RECQL5: variants seen among roughly 807,000 people sequenced by gnomAD.
RECQL5 encodes the protein ATP-dependent DNA helicase Q5.
Under a neutral mutation model 103.4 loss-of-function variants are expected in RECQL5, and 88 were observed. That is an observed-to-expected ratio of 0.85 (90% confidence interval 0.72 to 1.02). The LOEUF (loss-of-function observed/expected upper bound fraction) is 1.02, where lower values mean the gene tolerates loss of function less well. Among genes scored for constraint, RECQL5 ranks in the 50% least tolerant of loss-of-function variants. The probability of loss-of-function intolerance (pLI) is 0.00; values close to 1 mark genes in which losing one functional copy is unlikely to be tolerated. For synonymous variants in RECQL5, 552 were observed against 507.9 expected (o/e 1.09, Z -1.17); for missense variants, 1,232 against 1,284.3 (o/e 0.96, Z 0.62).
chr17:75,661,294 T>G (rs1157719657), intron 5 of RECQL5, among the ~76,000 whole-genome samples: 4 of 152,194 alleles, frequency 2.6e-5, no homozygotes, highest in African/African-American at 9.6e-5. Flanking sequence ...GTTAGGGCCA[T>G]GATTCAAGCC....
chr17:75,641,340 G>A (rs757048447), intron 8 of RECQL5: 9 of 165,194 alleles, frequency 5.4e-5, no homozygotes, highest in Non-Finnish European at 8.0e-5. Context: ...CCGCCAGAGC[G>A]TGAGCATGTC....
rs774167298 is a variant in RECQL5 at position 75,662,577 on chromosome 17, G to C, written c.673C>G (p.Leu225Val). 7 of 1,614,052 alleles carry C rather than the reference G, an allele frequency of 4.3e-6. No individual in the cohort carries two copies. In the African/African-American group the frequency reaches 9.3e-5, roughly 22 times the overall value. Residue 225 changes from leucine (L) to valine (V), a missense_variant, in exon 4 of 20, where the codon CTC becomes GTC. Transcript: ENST00000317905. ...TCCTTGAATTGCACATCATAGAAGA[G>C]GTTGGCCCGGAAGCAGGGAGTCTTG... ...IFKTPCFRAN[L>V]FYDVQFKELI... is the part of the protein sequence containing the mutation.
chr17:75,659,769 A>C (rs922967146), intron 6 of RECQL5, among the ~76,000 whole-genome samples: 3 of 152,222 alleles, frequency 2.0e-5, no homozygotes, highest in Non-Finnish European at 4.4e-5. Context: ...CCATGTATGC[A>C]AACATGCTCC....
chr17:75,647,511 T>G (rs1268361706), intron 8 of RECQL5: 1 of 1,550,412 alleles, frequency 6.4e-7, no homozygotes, highest in South Asian at 1.2e-5. Context: ...CCATCGTGTT[T>G]GGTTTACTCA....
chr17:75,629,392 C>T lies in RECQL5; in HGVS notation c.2031G>A (p.Arg677=), dbSNP rs1461401581. 6.6e-7 allele frequency: 1 copy of T among 1,510,580 alleles called. No homozygotes were observed. The highest frequency in any genetic ancestry group is 2.3e-5 in the East Asian group (1 of 43,750). The allele number at this position is 1,510,580 out of a possible 1,614,324, so 93.6% of individuals were successfully genotyped here. The change falls in exon 16 of 20, where the codon CGG becomes CGA. Residue 677 remains arginine (R), a synonymous_variant. Coordinates refer to ENST00000317905, the MANE Select transcript of RECQL5 (RefSeq NM_004259.7). ...QTATELMETT[R]IREQAPQPER... is the part of the protein sequence containing the mutation. The stretch of plus-strand genomic sequence containing the variant: ...CGGGCTGGGGGGCTTGCTCCCTGAT[C>T]CGAGTTGTCTCCATCAGTTCCGTGG...
At chr17:75,663,671 C>A (rs1393201896) in intron 3 of RECQL5, among the ~76,000 whole-genome samples, 1 of 152,134 alleles carries the variant, frequency 6.6e-6, no homozygotes, top group Non-Finnish European at 1.5e-5. Context: ...GCCACATGCT[C>A]GCTGGCTGTT....
rs1160197305 is a variant in RECQL5, at chr17:75,627,218, C to G, written c.*204G>C. The G allele has an allele frequency of 1.5e-6, 1 of 663,436 alleles. No individual in the cohort carries two copies. Among genetic ancestry groups the G allele is most frequent in the Admixed American group, 2.2e-5 (1 of 46,280 alleles). The allele number at this position is 663,436 out of a possible 1,614,324, so 41.1% of individuals were successfully genotyped here. A position where few individuals can be genotyped will look rare whatever the true frequency, so the allele number is the denominator to read the frequency against. On this transcript the variant is annotated 3_prime_UTR_variant, in exon 20 of 20. Coordinates refer to ENST00000317905, the MANE Select transcript of RECQL5 (RefSeq NM_004259.7). ...CCATGAGGACCGCTCTGAGAAGGGTCTATAGGCTTTGCAAGCAGAAAGAAA... is the reference window on the plus strand; with the variant it reads ...CCATGAGGACCGCTCTGAGAAGGGTGTATAGGCTTTGCAAGCAGAAAGAAA...
chr17:75,632,141 G>A (rs1471771164), intron 8 of RECQL5, among the ~76,000 whole-genome samples: 8 of 152,232 alleles, frequency 5.3e-5, no homozygotes, highest in Non-Finnish European at 8.8e-5. Context: ...GTACAGTCAT[G>A]CCCCATGGAA....
chr17:75,656,306 G>A (rs1045026317), intron 7 of RECQL5, among the ~76,000 whole-genome samples: 8 of 148,390 alleles, frequency 5.4e-5, no homozygotes, highest in Non-Finnish European at 1.0e-4. Flanking sequence ...TCAAACTCCC[G>A]ACCTCAGGTG....
At chr17:75,627,585 C>T (rs758145754) in intron 19 of RECQL5, 38 bp downstream of exon 19, 15 of 1,613,490 alleles carry the variant, frequency 9.3e-6, no homozygotes, top group Admixed American at 1.7e-5. Flanking sequence ...AGACCACCCT[C>T]CCAAGTGCCT....
At chr17:75,627,716 A>C (rs369996953) in intron 18 of RECQL5, 24 bp from the exon 19 acceptor site, 1 of 1,585,750 alleles carries the variant, frequency 6.3e-7, no homozygotes, top group Non-Finnish European at 8.6e-7. Flanking sequence ...GGAGAAGAGA[A>C]GCAGAGAGCA....
rs2059715891 is a variant in RECQL5, at chr17:75,662,714, A to G, written c.536T>C (p.Leu179Pro). Residue 179 changes from leucine to proline, a missense_variant, in exon 4 of 20, where the codon CTG becomes CCG. By Grantham distance (98) the Leu-to-Pro change is moderately conservative. Transcript: ENST00000317905. ...AGGGGCATGTCCCAGGCGGGAGCGC[A>G]GGGCACCCAGACGCAAGTAGTCAGG... ...FRPDYLRLGA[L>P]RSRLGHAPCV... 1 of 1,614,056 alleles carries G rather than the reference A, an allele frequency of 6.2e-7. No homozygotes were observed. Among genetic ancestry groups the G allele is most frequent in the Non-Finnish European group, 8.5e-7 (1 of 1,180,030 alleles).
At chr17:75,635,696 G>A in intron 8 of RECQL5, 5 of 694,850 alleles carry the variant, frequency 7.2e-6, no homozygotes, top group Non-Finnish European at 8.9e-6. Context: ...CTTCTAGGTG[G>A]ACCTCAAACG....
At chr17:75,658,551 C>T (rs911311236) in intron 6 of RECQL5, 91 bp from the exon 7 acceptor site, 2 of 1,229,178 alleles carry the variant, frequency 1.6e-6, no homozygotes, top group Non-Finnish European at 2.3e-6. Flanking sequence ...GCAGGGAGGC[C>T]AGCAGATAGG....
At chr17:75,649,134 T>C (rs757741206) in intron 8 of RECQL5, 3 of 152,154 alleles carry the variant, frequency 2.0e-5, no homozygotes, top group Non-Finnish European at 4.4e-5. Flanking sequence ...TGCCAGGCTG[T>C]TGGGCACCCC....
At chr17:75,656,740 T>C (rs1317550201) in intron 7 of RECQL5, among the ~76,000 whole-genome samples, 4 of 115,720 alleles carry the variant, frequency 3.5e-5, no homozygotes, top group Non-Finnish European at 6.6e-5. Context: ...TATCCTTCTA[T>C]TGTCTTTTTT....
intron 8 of RECQL5, among the ~76,000 whole-genome samples, chr17:75,642,131 C>A (rs574509291): frequency 6.6e-6 from 1 of 152,182 alleles, no homozygotes; most frequent in Non-Finnish European, 1.5e-5. Flanking sequence ...TTCCTTACCC[C>A]CTCCTTTCAG....
chr17:75,634,378 G>A (rs774379932), intron 8 of RECQL5, among the ~76,000 whole-genome samples: 1 of 152,220 alleles, frequency 6.6e-6, no homozygotes, highest in African/African-American at 2.4e-5. Context: ...CACTCTCCCT[G>A]CTGCTGGGAC....
chr17:75,660,907 C>T, intron 6 of RECQL5, 48 bp downstream of exon 6: 1 of 1,423,652 alleles, frequency 7.0e-7, no homozygotes, highest in Non-Finnish European at 9.9e-7. Context: ...GGCAATCCAC[C>T]CTGAGCCAGG....
Sources: gnomAD v4.1 joint callset for allele counts (sites outside exome capture counted in the v4.1 genomes callset) on GRCh38, gnomAD v4.1.1 for gene constraint, MANE v1.5 for transcripts, NCBI Gene and HGNC (gene_info 2026-07-23, HGNC 2026-07-21) for gene names.